Variants in COA1 observed in about 807,000 individuals in gnomAD.
The protein encoded by COA1 is cytochrome c oxidase assembly factor 1 homolog.
In COA1, 13 loss-of-function variants were observed where a neutral mutation model predicts 16.0. That is an observed-to-expected ratio of 0.81 (90% CI 0.53 to 1.29). The LOEUF (loss-of-function observed/expected upper bound fraction) is 1.29. Ranked by LOEUF, COA1 falls within the 50% of genes most tolerant of loss-of-function variation. The pLI, the probability that COA1 is intolerant of heterozygous loss-of-function variation, is 0.00. For synonymous variants in COA1, 65 were observed against 65.7 expected (o/e 0.99, Z 0.05); for missense variants, 179 against 177.0 (o/e 1.01, Z -0.06).
intron 1 of COA1, among the ~76,000 whole-genome samples, chr7:43,721,847 T>C (rs1296164628): frequency 6.6e-6 from 1 of 152,140 alleles, no homozygotes; most frequent in East Asian, 1.9e-4. Flanking sequence ...TAAGTTATAA[T>C]GTGAAAGTAT....
intron 4 of COA1, among the ~76,000 whole-genome samples, chr7:43,643,251 C>T (rs2087674269): frequency 6.6e-6 from 1 of 152,226 alleles, no homozygotes; most frequent in Admixed American, 6.5e-5. Context: ...ACTGGGGTTC[C>T]TGGAGCACCA....
chr7:43,688,376 T>G (rs891063061), intron 1 of COA1, among the ~76,000 whole-genome samples: 11 of 152,196 alleles, frequency 7.2e-5, no homozygotes, highest in African/African-American at 2.7e-4. Context: ...TGAAGAGATT[T>G]TTTCCATATT....
rs58589217 is a variant in COA1, at chr7:43,700,591, C to CGTGTGTGTGTGTGTGT, written c.-39+28822_-39+28837dup. On this transcript the variant is annotated intron_variant, in intron 1 of 5. Transcript: ENST00000223336. Reference sequence around the variant, plus strand: ...GTACACATATATACGTGTATATATACGTGTGTGTGTGTGTGTGTGTGTGTG... The same window carrying CGTGTGTGTGTGTGTGT: ...GTACACATATATACGTGTATATATACGTGTGTGTGTGTGTGTGTGTGTGTGTGTGTGTGTGTGTGTG... 1.8e-3 allele frequency among the ~76,000 whole-genome samples: 265 copies of CGTGTGTGTGTGTGTGT among 144,958 alleles called. 2 individuals are homozygous for CGTGTGTGTGTGTGTGT. The highest frequency in any genetic ancestry group is 5.3e-3 in the African/African-American group (208 of 39,076).
chr7:43,637,118 G>GACTT (rs1370592861), downstream of COA1, among the ~76,000 whole-genome samples: 1 of 152,162 alleles, frequency 6.6e-6, no homozygotes, highest in African/African-American at 2.4e-5. Context: ...CAAAATCTTG[G>GACTT]ACTTCAAGGC....
chr7:43,694,804 G>C (rs764491593), intron 1 of COA1, among the ~76,000 whole-genome samples: 3 of 152,122 alleles, frequency 2.0e-5, no homozygotes, highest in East Asian at 3.9e-4. Context: ...TTGTATTCCA[G>C]GCTCATGTTA....
chr7:43,672,287 A>G lies in COA1; in HGVS notation c.-38-23635T>C, dbSNP rs374165472. Among the ~76,000 whole-genome samples the G allele has an allele frequency of 4.5e-4, 68 of 152,328 alleles. 1 individual carries two copies. The South Asian group carries it at 0.011, about 25-fold the overall frequency. On this transcript the variant is annotated intron_variant, in intron 1 of 5. Coordinates refer to ENST00000223336, the MANE Select transcript of COA1 (RefSeq NM_018224.4). ...AAAATCCTCAATAAAATACTAGCGA[A>G]TCGAATCTAGCAGCACATCCAAAGC... is the stretch of plus-strand genomic sequence containing the variant.
intron 6 of COA1, among the ~76,000 whole-genome samples, chr7:43,622,031 C>T (rs960302600): frequency 2.6e-5 from 4 of 152,072 alleles, no homozygotes; most frequent in Admixed American, 2.0e-4. Context: ...GTAATAGTAC[C>T]GACCTCATAG....
intron 1 of COA1, among the ~76,000 whole-genome samples, chr7:43,675,435 C>T (rs953466055): frequency 1.3e-4 from 19 of 151,306 alleles, no homozygotes; most frequent in African/African-American, 3.9e-4. Context: ...GAACATCACA[C>T]ACCAGGGACT....
intron 1 of COA1, among the ~76,000 whole-genome samples, chr7:43,657,790 A>C (rs1003409973): frequency 5.3e-5 from 8 of 152,238 alleles, no homozygotes; most frequent in Non-Finnish European, 1.2e-4. Context: ...AAAATATGCA[A>C]AGAACTTGTA....
intron 1 of COA1, among the ~76,000 whole-genome samples, chr7:43,729,172 C>G (rs1331435254): frequency 3.3e-5 from 5 of 152,246 alleles, no homozygotes; most frequent in Non-Finnish European, 7.3e-5. Context: ...TCAGCAAAAA[C>G]TGCAGGACAA....
chr7:43,619,645 A>C lies in COA1; in HGVS notation c.*134-10150T>G, dbSNP rs566758223. 27 of 1,614,062 alleles carry C rather than the reference A, an allele frequency of 1.7e-5. No individual in the cohort carries two copies. In the South Asian group the frequency reaches 2.6e-4, roughly 16 times the overall value. ...TGAATCTCCATTGGGTGACATTAAGATTGTTGATTTTGGCCTTTCAAGAAT... is the reference window on the plus strand; with the variant it reads ...TGAATCTCCATTGGGTGACATTAAGCTTGTTGATTTTGGCCTTTCAAGAAT... On this transcript the variant is annotated intron_variant and NMD_transcript_variant, in intron 6 of 6. Coordinates refer to the COA1 transcript ENST00000415076.
chr7:43,669,207 G>T (rs2093091922), intron 1 of COA1, among the ~76,000 whole-genome samples: 1 of 152,168 alleles, frequency 6.6e-6, no homozygotes, highest in Non-Finnish European at 1.5e-5. Flanking sequence ...ATCTCCACAT[G>T]GGGGGATGTT....
Position 43,705,968 on chromosome 7 carries a change from T to C in COA1, c.-39+23461A>G, listed in dbSNP as rs10271422. On this transcript the variant is annotated intron_variant, in intron 1 of 5. Transcript: ENST00000223336. ...TTCAGCCTGGTATCTGCATCCTCCC[T>C]CTGTCCACTCTCAATGCCTTCTTTC... is the stretch of plus-strand genomic sequence containing the variant. Among the ~76,000 whole-genome samples the C allele has an allele frequency of 7.1e-3, 1,084 of 152,198 alleles. 10 individuals are homozygous for C. Among genetic ancestry groups the C allele is most frequent in the African/African-American group, 0.025 (1,027 of 41,506 alleles).
At chr7:43,677,595 T>A (rs1490645618) in intron 1 of COA1, among the ~76,000 whole-genome samples, 6 of 152,086 alleles carry the variant, frequency 3.9e-5, no homozygotes, top group African/African-American at 9.7e-5. Context: ...AGTCAGGAGT[T>A]CGAAATCAGC....
At chr7:43,611,133 G>A (rs908534464) in intron 6 of COA1, among the ~76,000 whole-genome samples, 1 of 152,114 alleles carries the variant, frequency 6.6e-6, no homozygotes, top group South Asian at 2.1e-4. Flanking sequence ...AAAAAAAGAG[G>A]ATACAGTGTG....
chr7:43,668,968 C>G (rs1455950182), intron 1 of COA1, among the ~76,000 whole-genome samples: 1 of 152,128 alleles, frequency 6.6e-6, no homozygotes. Context: ...AATATTTGGA[C>G]CCTGTATACT....
rs201576823 is a variant in COA1 at position 43,727,977 on chromosome 7, C to CTT, written c.-39+1450_-39+1451dup. ...TACTAATTACTTTTAGGTTTTCTTT[C>CTT]TTTTTTTTTTTTTTTGAGATGGAGT... On this transcript the variant is annotated intron_variant, in intron 1 of 5. Coordinates refer to ENST00000223336, the MANE Select transcript of COA1 (RefSeq NM_018224.4). Among the ~76,000 whole-genome samples the CTT allele has an allele frequency of 6.2e-3, 864 of 139,978 alleles. 8 individuals are homozygous for CTT. Among genetic ancestry groups the CTT allele is most frequent in the Admixed American group, 0.01 (143 of 13,878 alleles). 91.8% of individuals were successfully genotyped at this position (139,978 alleles called of 152,430 possible).
downstream of COA1, among the ~76,000 whole-genome samples, chr7:43,637,184 T>G (rs2086031394): frequency 6.6e-6 from 1 of 152,146 alleles, no homozygotes; most frequent in Non-Finnish European, 1.5e-5. Context: ...AACTGATATC[T>G]CTCTTTTCTA....
intron 4 of COA1, among the ~76,000 whole-genome samples, chr7:43,644,172 C>CATCT (rs767833116): frequency 2.6e-5 from 4 of 152,180 alleles, no homozygotes; most frequent in Non-Finnish European, 5.9e-5. Context: ...TCCTCACAGC[C>CATCT]ATCTCCCAGG....
Sources: allele counts gnomAD v4.1 joint callset (sites outside exome capture counted in the v4.1 genomes callset), GRCh38; gene constraint gnomAD v4.1.1; transcripts MANE v1.5; gene names NCBI Gene and HGNC (gene_info 2026-07-23, HGNC 2026-07-21).